The following ARHGEF28 variants were observed in gnomAD, a reference collection of about 807,000 sequenced individuals.
ARHGEF28 encodes the protein Rho guanine nucleotide exchange factor 28.
Under a neutral mutation model 206.6 loss-of-function variants are expected in ARHGEF28, and 152 were observed. The observed-to-expected ratio is 0.74, with a 90% CI of 0.64 to 0.84. The LOEUF (loss-of-function observed/expected upper bound fraction) is 0.84. Among genes scored for constraint, ARHGEF28 ranks in the 40% least tolerant of loss-of-function variants. ARHGEF28 has a pLI of 0.00. For missense variants in ARHGEF28, 2,028 were observed against 2,073.2 expected, an observed-to-expected ratio of 0.98 and a Z score of 0.42; for synonymous variants, 763 against 776.4, an observed-to-expected ratio of 0.98 and a Z score of 0.29.
intron 1 of ARHGEF28, among the ~76,000 whole-genome samples, chr5:73,681,712 G>T (rs1351141184): frequency 6.6e-6 from 1 of 152,068 alleles, no homozygotes; most frequent in East Asian, 1.9e-4. Context: ...CTATTCGCTA[G>T]GCTAAGGCAC....
chr5:73,915,296 G>A (rs1287942216), intron 35 of ARHGEF28, among the ~76,000 whole-genome samples: 1 of 151,996 alleles, frequency 6.6e-6, no homozygotes, highest in Non-Finnish European at 1.5e-5. Context: ...TCTCATAAGG[G>A]ATATTTTCTT....
intron 22 of ARHGEF28, among the ~76,000 whole-genome samples, chr5:73,880,137 G>A (rs922207678): frequency 3.0e-4 from 46 of 152,168 alleles, no homozygotes; most frequent in African/African-American, 1.0e-3. Flanking sequence ...AATGGCGGGC[G>A]CCCCTCCCCC....
At chr5:73,850,626 T>C (rs1019464708) in intron 13 of ARHGEF28, among the ~76,000 whole-genome samples, 1 of 152,148 alleles carries the variant, frequency 6.6e-6, no homozygotes, top group African/African-American at 2.4e-5. Context: ...TGGTCCTTGA[T>C]CTATGAAGTC....
At chr5:73,796,887 A>G (rs1356136259) in intron 9 of ARHGEF28, among the ~76,000 whole-genome samples, 2 of 152,208 alleles carry the variant, frequency 1.3e-5, no homozygotes, top group Non-Finnish European at 2.9e-5. Flanking sequence ...TACAAATTGC[A>G]TCATGCTCCT....
intron 9 of ARHGEF28, among the ~76,000 whole-genome samples, chr5:73,801,218 A>G (rs899926374): frequency 3.9e-5 from 6 of 152,220 alleles, no homozygotes; most frequent in Non-Finnish European, 7.4e-5. Context: ...AGGCCGAGGC[A>G]GGCGGATCAC....
At position 73,872,485 on chromosome 5, in the gene ARHGEF28, G is replaced by C. The variant is rs576971830; in HGVS notation, c.2567-514G>C. On this transcript the variant is annotated intron_variant, in intron 21 of 35. Transcript: ENST00000513042. ...GTCCTTTGATTGATTGTGATGCATT[G>C]TTTTCCTCTGGAGAAAGTGGAATTT... Among the ~76,000 whole-genome samples, 4 of 152,034 alleles carry C rather than the reference G, an allele frequency of 2.6e-5. No homozygotes were observed. In the East Asian group the frequency reaches 7.7e-4, roughly 29 times the overall value.
intron 2 of ARHGEF28, among the ~76,000 whole-genome samples, chr5:73,734,385 C>T (rs1750791187): frequency 6.6e-6 from 1 of 152,048 alleles, no homozygotes; most frequent in Admixed American, 6.5e-5. Context: ...AGCATGCTCA[C>T]TGGTAATGAA....
chr5:73,890,194 C>G (rs1465392865), intron 26 of ARHGEF28, among the ~76,000 whole-genome samples: 2 of 152,144 alleles, frequency 1.3e-5, no homozygotes, highest in Non-Finnish European at 1.5e-5. Context: ...TGATGGTGAT[C>G]GAATGAATGC....
At chr5:73,796,830 T>C (rs967591009) in intron 9 of ARHGEF28, among the ~76,000 whole-genome samples, 2 of 152,208 alleles carry the variant, frequency 1.3e-5, no homozygotes, top group Admixed American at 1.3e-4. Context: ...TGTGGGCCAC[T>C]GATGTCAGGG....
chr5:73,709,464 G>A (rs1053437606), intron 2 of ARHGEF28, among the ~76,000 whole-genome samples: 2 of 152,158 alleles, frequency 1.3e-5, no homozygotes, highest in African/African-American at 4.8e-5. Flanking sequence ...TGGTTACTAT[G>A]GCACTGAACA....
At chr5:73,776,825 T>A (rs958306941) in intron 6 of ARHGEF28, 129 bp downstream of exon 6, 2 of 693,822 alleles carry the variant, frequency 2.9e-6, no homozygotes, top group Admixed American at 5.4e-5. Context: ...GGACATGAAA[T>A]TGGAAACTGC....
At chr5:73,774,358 A>C (rs1484423971) in intron 5 of ARHGEF28, among the ~76,000 whole-genome samples, 1 of 152,230 alleles carries the variant, frequency 6.6e-6, no homozygotes, top group Non-Finnish European at 1.5e-5. Context: ...TGATTAATTC[A>C]GAATGTTAAA....
At chr5:73,696,327 C>T (rs373225417) in intron 2 of ARHGEF28, among the ~76,000 whole-genome samples, 3 of 152,304 alleles carry the variant, frequency 2.0e-5, no homozygotes, top group African/African-American at 7.2e-5. Flanking sequence ...CAGCCATACC[C>T]TTCTGCTCTC....
chr5:73,800,015 G>A (rs1755041641), intron 9 of ARHGEF28, among the ~76,000 whole-genome samples: 3 of 152,114 alleles, frequency 2.0e-5, no homozygotes, highest in Admixed American at 2.0e-4. Flanking sequence ...AAAAAATTAT[G>A]TTAGTCTTCT....
At chr5:73,685,011 C>T (rs1747364689) in intron 2 of ARHGEF28, 127 bp downstream of exon 2, 3 of 929,306 alleles carry the variant, frequency 3.2e-6, no homozygotes, top group East Asian at 5.5e-5. Context: ...ACACACTGAG[C>T]GTTACTGTCT....
Position 73,909,882 on chromosome 5 carries a change from T to G in ARHGEF28, c.4632T>G (p.Leu1544=). 6.6e-7 allele frequency: 1 copy of G among 1,513,732 alleles called. No homozygotes were observed. Among genetic ancestry groups the G allele is most frequent in the Non-Finnish European group, 8.7e-7 (1 of 1,144,132 alleles). 93.8% of individuals were successfully genotyped at this position (1,513,732 alleles called of 1,614,324 possible). A position where few individuals can be genotyped will look rare whatever the true frequency, so the allele number is the denominator to read the frequency against. Reference sequence around the variant, plus strand: ...AGAGGAGCCTGCCCGCGGTGCTCCTTCCGGGTGGCCCCGAGGTATGGACCT... The same window carrying G: ...AGAGGAGCCTGCCCGCGGTGCTCCTGCCGGGTGGCCCCGAGGTATGGACCT... ...GRQRSLPAVL[L]PGGPEVMELN... is the part of the protein sequence containing the mutation. The change falls in exon 34 of 36, where the codon CTT becomes CTG. Residue 1544 remains leucine, a synonymous_variant. Transcript: ENST00000513042.
intron 25 of ARHGEF28, chr5:73,887,375 A>G: frequency 2.8e-6 from 1 of 360,782 alleles, no homozygotes; most frequent in Non-Finnish European, 4.9e-6. Flanking sequence ...GAAAGTGACT[A>G]CATTAAACTT....
intron 10 of ARHGEF28, among the ~76,000 whole-genome samples, chr5:73,833,114 A>C (rs1278972410): frequency 2.0e-5 from 3 of 152,114 alleles, no homozygotes; most frequent in African/African-American, 7.2e-5. Context: ...GTGATCTTCA[A>C]ATTTTAGTAT....
At chr5:73,801,516 T>C (rs1245075367) in intron 9 of ARHGEF28, among the ~76,000 whole-genome samples, 1 of 152,130 alleles carries the variant, frequency 6.6e-6, no homozygotes, top group Non-Finnish European at 1.5e-5. Context: ...TTAGAAGCTG[T>C]GACCCCTGTG....
Sources: allele counts gnomAD v4.1 joint callset (sites outside exome capture counted in the v4.1 genomes callset), GRCh38; gene constraint gnomAD v4.1.1; transcripts MANE v1.5; gene names NCBI Gene and HGNC (gene_info 2026-07-23, HGNC 2026-07-21).